CNTN4: variants seen among roughly 807,000 people sequenced by gnomAD.
CNTN4 encodes contactin 4.
A neutral mutation model predicts 122.5 loss-of-function variants in CNTN4; 77 were observed. The ratio of observed to expected loss-of-function variants is 0.63; its 90% CI spans 0.52 to 0.76. CNTN4 has a LOEUF of 0.76. Among genes scored for constraint, CNTN4 ranks in the 30% least tolerant of loss-of-function variants. CNTN4 has a pLI of 0.00. For synonymous variants in CNTN4, 512 were observed against 447.0 expected (o/e 1.15, Z -1.83); for missense variants, 1,256 against 1,259.1 (o/e 1.00, Z 0.04).
chr3:2,972,275 T>C (rs182114617), intron 13 of CNTN4, among the ~76,000 whole-genome samples: 129 of 152,282 alleles, frequency 8.5e-4, no homozygotes, highest in Admixed American at 3.6e-3. Flanking sequence ...TAAAAATTAT[T>C]GTACTCCTTA....
At chr3:2,459,363 A>G (rs1024690028) in intron 3 of CNTN4, among the ~76,000 whole-genome samples, 3 of 152,150 alleles carry the variant, frequency 2.0e-5, no homozygotes, top group African/African-American at 7.2e-5. Context: ...ATCTCAGAAG[A>G]CAGTAAAAAC....
intron 14 of CNTN4, among the ~76,000 whole-genome samples, chr3:3,018,047 G>A (rs1697934582): frequency 6.6e-6 from 1 of 152,152 alleles, no homozygotes; most frequent in Admixed American, 6.5e-5. Context: ...AAACTGTGGT[G>A]TTTCCATTTG....
At chr3:2,655,814 C>A (rs892057424) in intron 4 of CNTN4, among the ~76,000 whole-genome samples, 3 of 152,150 alleles carry the variant, frequency 2.0e-5, no homozygotes, top group Non-Finnish European at 4.4e-5. Flanking sequence ...ATGGAAATCA[C>A]TGCGGGATTA....
chr3:2,778,304 A>ATAAGAGAAAACCATGATAGAATTGTTTT (rs1559493291), intron 6 of CNTN4, among the ~76,000 whole-genome samples: 1 of 149,090 alleles, frequency 6.7e-6, no homozygotes, highest in Non-Finnish European at 1.5e-5. Context: ...CCATGTATGT[A>ATAAGAGAAAACCATGATAGAATTGTTTT]TAAGAGAAAA....
intron 14 of CNTN4, among the ~76,000 whole-genome samples, chr3:3,009,748 T>C (rs1255818040): frequency 6.6e-6 from 1 of 152,218 alleles, no homozygotes; most frequent in Non-Finnish European, 1.5e-5. Flanking sequence ...TTCTTTTTGC[T>C]TGCCTTGAAA....
At chr3:2,346,413 A>C (rs1400016366) in intron 3 of CNTN4, among the ~76,000 whole-genome samples, 1 of 152,090 alleles carries the variant, frequency 6.6e-6, no homozygotes, top group East Asian at 1.9e-4. Context: ...TTCAGGTTTT[A>C]ACTTACATAG....
intron 3 of CNTN4, among the ~76,000 whole-genome samples, chr3:2,493,578 T>A (rs2076374802): frequency 1.3e-5 from 2 of 151,524 alleles, no homozygotes; most frequent in South Asian, 2.1e-4. Context: ...TATTGTTGGT[T>A]TGAGCAGTTA....
intron 2 of CNTN4, among the ~76,000 whole-genome samples, chr3:2,190,354 T>TA (rs1295903723): frequency 2.0e-5 from 3 of 151,172 alleles, no homozygotes; most frequent in Non-Finnish European, 4.4e-5. Flanking sequence ...GAAATAATGA[T>TA]AAAAAAAGAA....
intron 4 of CNTN4, among the ~76,000 whole-genome samples, chr3:2,624,901 G>A (rs1397069374): frequency 6.6e-6 from 1 of 151,840 alleles, no homozygotes. Flanking sequence ...CTAGAGTGCT[G>A]GGATTACAGG....
chr3:2,299,276 A>T (rs938875983), intron 2 of CNTN4, among the ~76,000 whole-genome samples: 1 of 152,162 alleles, frequency 6.6e-6, no homozygotes, highest in African/African-American at 2.4e-5. Context: ...ACATTTGGGG[A>T]ATGTTTTTAT....
At chr3:2,565,457 G>A (rs1357616426) in intron 3 of CNTN4, among the ~76,000 whole-genome samples, 2 of 152,134 alleles carry the variant, frequency 1.3e-5, no homozygotes, top group Non-Finnish European at 2.9e-5. Context: ...ATTGACTGAT[G>A]TGATAGGAAT....
At chr3:2,586,264 G>T (rs553614446) in intron 4 of CNTN4, among the ~76,000 whole-genome samples, 1 of 152,046 alleles carries the variant, frequency 6.6e-6, no homozygotes, top group Non-Finnish European at 1.5e-5. Flanking sequence ...CATTTTTGTT[G>T]TTGTTGTTTG....
At chr3:2,781,832 C>T (rs977565133) in intron 6 of CNTN4, among the ~76,000 whole-genome samples, 3 of 132,842 alleles carry the variant, frequency 2.3e-5, no homozygotes, top group African/African-American at 6.8e-5. Flanking sequence ...TCCCGCCATT[C>T]TCCTGCCTCA....
chr3:2,867,005 G>T (rs975675461), intron 8 of CNTN4, 56 bp downstream of exon 8: 170 of 1,472,684 alleles, frequency 1.2e-4, no homozygotes, highest in Non-Finnish European at 1.5e-4. Context: ...GATGAATGTG[G>T]AGGTATGTTA....
chr3:2,916,518 G>A (rs1300207807), intron 12 of CNTN4, among the ~76,000 whole-genome samples: 1 of 146,238 alleles, frequency 6.8e-6, no homozygotes, highest in East Asian at 2.1e-4. Context: ...CGGGGTTGGG[G>A]GTAAGGCCAT....
rs1018729012 is a variant in CNTN4 at position 2,602,220 on chromosome 3, A to G, written c.55+30662A>G. ...CCCTCTCTCACCACTCCTATTCAACATAGGGTTGAAAGTTCTGGCCAGGGC... is the reference window on the plus strand; with the variant it reads ...CCCTCTCTCACCACTCCTATTCAACGTAGGGTTGAAAGTTCTGGCCAGGGC... On this transcript the variant is annotated intron_variant, in intron 4 of 24. Coordinates refer to ENST00000418658, the MANE Select transcript of CNTN4 (RefSeq NM_175607.3). 3.3e-5 allele frequency among the ~76,000 whole-genome samples: 5 copies of G among 152,258 alleles called. No homozygotes were observed. The South Asian group carries it at 6.2e-4, about 19-fold the overall frequency.
intron 6 of CNTN4, among the ~76,000 whole-genome samples, chr3:2,747,770 A>T (rs2089873587): frequency 6.6e-6 from 1 of 152,194 alleles, no homozygotes; most frequent in Non-Finnish European, 1.5e-5. Flanking sequence ...GCTGATCATC[A>T]TTTGGTTTGA....
At chr3:2,199,552 A>T (rs1057208014) in intron 2 of CNTN4, among the ~76,000 whole-genome samples, 3 of 152,152 alleles carry the variant, frequency 2.0e-5, no homozygotes, top group Non-Finnish European at 4.4e-5. Context: ...TTGAATAATG[A>T]TTCGTTATTA....
intron 3 of CNTN4, among the ~76,000 whole-genome samples, chr3:2,360,430 G>A (rs2045080469): frequency 6.6e-6 from 1 of 151,766 alleles, no homozygotes; most frequent in Non-Finnish European, 1.5e-5. Context: ...ATATAATTTT[G>A]TCCGTATTTC....
Sources: gnomAD v4.1 joint callset for allele counts (sites outside exome capture counted in the v4.1 genomes callset) on GRCh38, gnomAD v4.1.1 for gene constraint, MANE v1.5 for transcripts, NCBI Gene and HGNC (gene_info 2026-07-23, HGNC 2026-07-21) for gene names.